Variants in SV2C observed in about 807,000 individuals in gnomAD.
SV2C encodes solute carrier family 22 member B3.
SV2C carries 49 observed loss-of-function variants against 79.7 expected under a neutral mutation model. The ratio of observed to expected loss-of-function variants is 0.61; its 90% CI spans 0.49 to 0.78. The LOEUF (loss-of-function observed/expected upper bound fraction) is 0.78. Among genes scored for constraint, SV2C ranks in the 30% least tolerant of loss-of-function variants. The pLI is 0.00. For missense variants in SV2C, 833 were observed against 912.9 expected (o/e 0.91, Z 1.13); for synonymous variants, 334 against 333.2 (o/e 1.00, Z -0.03).
chr5:75,988,972 C>T, the SV2C span, among the ~76,000 whole-genome samples: 2 of 151,860 alleles, frequency 1.3e-5, no homozygotes, highest in Non-Finnish European at 2.9e-5. Context: ...GTTTCCTGCC[C>T]TTAGAAAACT....
chr5:76,158,784 C>T (rs1421416828), intron 2 of SV2C, among the ~76,000 whole-genome samples: 1 of 152,082 alleles, frequency 6.6e-6, no homozygotes, highest in Non-Finnish European at 1.5e-5. Context: ...GGAACACTTT[C>T]TAACTCATTA....
At chr5:76,335,571 C>T (rs551382153), downstream of SV2C, among the ~76,000 whole-genome samples, 5 of 152,110 alleles carry the variant, frequency 3.3e-5, no homozygotes, top group South Asian at 2.1e-4. Flanking sequence ...CCCTGCGGCC[C>T]TCCGCAGTGT....
intron 4 of SV2C, among the ~76,000 whole-genome samples, chr5:76,213,824 C>G (rs80050892): frequency 2.0e-5 from 3 of 152,102 alleles, no homozygotes; most frequent in African/African-American, 7.2e-5. Context: ...ATCTCCAGAA[C>G]TTATCATCTT....
At chr5:76,061,573 T>G in the SV2C span, among the ~76,000 whole-genome samples, 2 of 152,136 alleles carry the variant, frequency 1.3e-5, no homozygotes, top group East Asian at 3.9e-4. Context: ...TAAAATTCTG[T>G]CCTCCTCTGC....
chr5:75,993,512 C>T, the SV2C span, among the ~76,000 whole-genome samples: 2 of 151,988 alleles, frequency 1.3e-5, no homozygotes, highest in Non-Finnish European at 2.9e-5. Flanking sequence ...AAAATAACTC[C>T]CACGAAACGG....
intron 4 of SV2C, among the ~76,000 whole-genome samples, chr5:76,238,323 T>C (rs1745680740): frequency 6.6e-6 from 1 of 152,044 alleles, no homozygotes; most frequent in Non-Finnish European, 1.5e-5. Flanking sequence ...TGTGTGTATG[T>C]GTGTATGTTC....
the SV2C span, chr5:75,910,781 G>A: frequency 3.0e-4 from 406 of 1,348,674 alleles, no homozygotes; most frequent in Non-Finnish European, 4.2e-4. Flanking sequence ...TAACAGTCAT[G>A]TTGGCTGCTA....
At chr5:76,272,252 C>A (rs1388202466) in intron 4 of SV2C, among the ~76,000 whole-genome samples, 2 of 152,134 alleles carry the variant, frequency 1.3e-5, no homozygotes, top group African/African-American at 4.8e-5. Flanking sequence ...TGTAATCTCT[C>A]CCCCTTGCCC....
intron 4 of SV2C, among the ~76,000 whole-genome samples, chr5:76,268,995 G>T (rs1313229671): frequency 1.3e-5 from 2 of 152,182 alleles, no homozygotes; most frequent in Non-Finnish European, 2.9e-5. Flanking sequence ...ACGAAGTTTC[G>T]AAGTATCCTC....
chr5:76,242,167 C>A, intron 4 of SV2C: 1 of 1,147,814 alleles, frequency 8.7e-7, no homozygotes, highest in South Asian at 1.2e-5. Flanking sequence ...TTTGCAGGGG[C>A]CTTTTAGGCG....
chr5:76,302,224 G>T (rs1424001261), intron 12 of SV2C, among the ~76,000 whole-genome samples: 1 of 152,196 alleles, frequency 6.6e-6, no homozygotes, highest in South Asian at 2.1e-4. Context: ...TAGGTTTGCA[G>T]ATGTGTCTGC....
rs182617261 is a variant in SV2C, at chr5:76,235,464, T to C, written c.913+25577T>C. 9.3e-3 allele frequency among the ~76,000 whole-genome samples: 1,421 copies of C among 152,308 alleles called. 14 individuals carry two copies. The highest frequency in any genetic ancestry group is 0.011 in the Non-Finnish European group (780 of 68,030). On this transcript the variant is annotated intron_variant, in intron 4 of 12. Coordinates refer to ENST00000502798, the MANE Select transcript of SV2C (RefSeq NM_014979.4). The stretch of plus-strand genomic sequence containing the variant: ...AAGCTGGGACATTTGCAGTATGATT[T>C]TAAGTATATTTATAGAGAGATTGAA...
the SV2C span, among the ~76,000 whole-genome samples, chr5:76,063,381 G>GA: frequency 6.6e-6 from 1 of 152,192 alleles, no homozygotes; most frequent in Admixed American, 6.5e-5. Context: ...CTTCACTTGA[G>GA]AAAAAAAGAA....
rs1180685410 is a variant in SV2C, at chr5:76,192,878, A to G, written c.581-2041A>G. 3.3e-5 allele frequency among the ~76,000 whole-genome samples: 5 copies of G among 152,238 alleles called. No homozygotes were observed. The East Asian group carries it at 9.6e-4, about 29-fold the overall frequency. On this transcript the variant is annotated intron_variant, in intron 2 of 12. Transcript: ENST00000502798. ...GATACAGTTTGATATGACATTTTTT[A>G]TACTAACTGTGTCAGTCATGGAGGA...
intron 2 of SV2C, among the ~76,000 whole-genome samples, chr5:76,182,715 C>G (rs772671550): frequency 6.6e-6 from 1 of 152,166 alleles, no homozygotes; most frequent in African/African-American, 2.4e-5. Context: ...GCCTTTCTCC[C>G]TCCCTGTGTT....
At chr5:75,888,280 TA>T in the SV2C span, among the ~76,000 whole-genome samples, 4 of 151,856 alleles carry the variant, frequency 2.6e-5, no homozygotes, top group African/African-American at 9.7e-5. Context: ...AAAAAGATGG[TA>T]CCATTAGACA....
chr5:76,183,971 C>T (rs1379755679), intron 2 of SV2C, among the ~76,000 whole-genome samples: 7 of 152,142 alleles, frequency 4.6e-5, no homozygotes, highest in Non-Finnish European at 1.0e-4. Context: ...GTGTTTCATT[C>T]TGTGGTAATT....
chr5:76,165,143 T>C (rs35634088), intron 2 of SV2C, among the ~76,000 whole-genome samples: 15,920 of 152,190 alleles, frequency 0.1, 954 homozygotes, highest in Non-Finnish European at 0.13. Flanking sequence ...TGTGTTTATG[T>C]GTGTGTGATT....
the SV2C span, among the ~76,000 whole-genome samples, chr5:75,863,741 G>A: frequency 0.24 from 36,314 of 152,106 alleles, 6,425 homozygotes; most frequent in African/African-American, 0.5. Flanking sequence ...CCGATGTTCC[G>A]ATAGTGAAAC....
Sources: gnomAD v4.1 joint callset for allele counts (sites outside exome capture counted in the v4.1 genomes callset) on GRCh38, gnomAD v4.1.1 for gene constraint, MANE v1.5 for transcripts, NCBI Gene and HGNC (gene_info 2026-07-23, HGNC 2026-07-21) for gene names.